Variants in OVCH1 observed in about 807,000 individuals in gnomAD.
The protein encoded by OVCH1 is ovochymase-1.
Under a neutral mutation model 138.4 loss-of-function variants are expected in OVCH1, and 139 were observed. The ratio of observed to expected loss-of-function variants is 1.00; its 90% CI spans 0.87 to 1.16. The LOEUF (loss-of-function observed/expected upper bound fraction) is 1.16. OVCH1 is among the 50% of genes most tolerant of loss of function. The probability of loss-of-function intolerance (pLI) is 0.00; values close to 1 mark genes in which losing one functional copy is unlikely to be tolerated. For synonymous variants in OVCH1, 453 were observed against 467.8 expected, an observed-to-expected ratio of 0.97 and a Z score of 0.41; for missense variants, 1,367 against 1,357.9, an observed-to-expected ratio of 1.01 and a Z score of -0.11.
intron 3 of OVCH1, among the ~76,000 whole-genome samples, chr12:29,418,894 TATC>T (rs1184804150): frequency 6.6e-6 from 1 of 152,202 alleles, no homozygotes; most frequent in Admixed American, 6.5e-5. Context: ...GGTATTGCAC[TATC>T]ACCAATCTGG....
At chr12:29,495,795 AC>A (rs1266377189) in intron 3 of OVCH1, among the ~76,000 whole-genome samples, 1 of 151,992 alleles carries the variant, frequency 6.6e-6, no homozygotes, top group Non-Finnish European at 1.5e-5. Context: ...TCTTATTAGT[AC>A]CCTCTTTTAA....
chr12:29,408,004 C>T (rs1940905651), downstream of OVCH1, among the ~76,000 whole-genome samples: 1 of 140,944 alleles, frequency 7.1e-6, no homozygotes, highest in Non-Finnish European at 1.6e-5. Context: ...TTGTAGTTCT[C>T]CTTGAAGAGG....
At chr12:29,477,780 A>G (rs1942792922) in intron 9 of OVCH1, among the ~76,000 whole-genome samples, 1 of 152,206 alleles carries the variant, frequency 6.6e-6, no homozygotes, top group Admixed American at 6.5e-5. Flanking sequence ...TTTTTGAATC[A>G]GCGCAGCACT....
intron 6 of OVCH1, among the ~76,000 whole-genome samples, chr12:29,489,017 T>A (rs1174125356): frequency 6.6e-6 from 1 of 152,130 alleles, no homozygotes; most frequent in Non-Finnish European, 1.5e-5. Context: ...CCAAGAATAA[T>A]GACTCCTTAC....
At position 29,476,992 on chromosome 12, in the gene OVCH1, A is replaced by T. The variant is rs984196637; in HGVS notation, c.1377+110T>A. 9.3e-6 allele frequency: 12 copies of T among 1,291,052 alleles called. No homozygotes were observed. In the Admixed American group the frequency reaches 4.0e-4, roughly 43 times the overall value. The allele number at this position is 1,291,052 out of a possible 1,614,324, so 80.0% of individuals were successfully genotyped here. ...GAGTAAAAAAAAATGGCAAATGGCT[A>T]AAAGAAGCTCCTAGTCATAATGGCA... On this transcript the variant is annotated intron_variant, in intron 12 of 27. Transcript: ENST00000318184.
downstream of OVCH1, among the ~76,000 whole-genome samples, chr12:29,409,149 G>T (rs527732887): frequency 9.9e-5 from 15 of 151,954 alleles, no homozygotes; most frequent in Non-Finnish European, 2.1e-4. Context: ...GGGATCCGTG[G>T]TGATATCCCC....
intron 16 of OVCH1, among the ~76,000 whole-genome samples, chr12:29,466,056 C>A (rs757674209): frequency 6.1e-5 from 8 of 131,100 alleles, no homozygotes; most frequent in African/African-American, 8.9e-5. Context: ...ATGAGAACAC[C>A]TAGACACAGG....
At chr12:29,462,073 A>AT (rs1339641211) in intron 18 of OVCH1, 65 bp from the exon 19 acceptor site, 1 of 1,532,330 alleles carries the variant, frequency 6.5e-7, no homozygotes, top group East Asian at 2.3e-5. Flanking sequence ...TTAGAAATGT[A>AT]TTTAAGTTCA....
Position 29,477,238 on chromosome 12 carries a change from G to A in OVCH1, c.1247-6C>T. ...CAGACTCCCACAACCTGACCCTGTG[G>A]AAGCATTGGGGAAATTCAAAGTGAA... is the stretch of plus-strand genomic sequence containing the variant. On this transcript the variant is annotated splice_region_variant and splice_polypyrimidine_tract_variant and intron_variant, in intron 11 of 27. Coordinates refer to ENST00000318184, the Ensembl canonical transcript of OVCH1. 6.2e-7 allele frequency: 1 copy of A among 1,613,464 alleles called. No homozygotes were observed. Among genetic ancestry groups the A allele is most frequent in the Non-Finnish European group, 8.5e-7 (1 of 1,179,646 alleles).
At position 29,485,672 on chromosome 12, in the gene OVCH1, A is replaced by G. The variant is rs543717012; in HGVS notation, c.995+574T>C. ...GCCTGCCTGTACCCAGCTACTCGGG[A>G]GGCTGAGGCAGGAGAATGGCGTTAA... On this transcript the variant is annotated intron_variant, in intron 8 of 27. Coordinates refer to ENST00000318184, the Ensembl canonical transcript of OVCH1. Among the ~76,000 whole-genome samples the G allele has an allele frequency of 3.4e-4, 51 of 152,072 alleles. No individual in the cohort carries two copies. The South Asian group carries it at 7.9e-3, about 24-fold the overall frequency.
At chr12:29,470,656 G>C (rs1592083099) in intron 16 of OVCH1, among the ~76,000 whole-genome samples, 1 of 152,048 alleles carries the variant, frequency 6.6e-6, no homozygotes, top group African/African-American at 2.4e-5. Context: ...CTTTGCTATT[G>C]TGAATAGTGC....
intron 27 of OVCH1, among the ~76,000 whole-genome samples, chr12:29,433,026 TATAA>T (rs1314997887): frequency 1.3e-5 from 2 of 152,100 alleles, no homozygotes; most frequent in African/African-American, 4.8e-5. Flanking sequence ...AGACAGTGAG[TATAA>T]ATAACTTCCA....
At chr12:29,459,144 A>G (rs1273805620) in intron 19 of OVCH1, among the ~76,000 whole-genome samples, 3 of 152,216 alleles carry the variant, frequency 2.0e-5, no homozygotes, top group Non-Finnish European at 2.9e-5. Flanking sequence ...ATACATCCAA[A>G]AGAAAGGAAA....
At chr12:29,448,086 T>G (rs1941668090) in intron 22 of OVCH1, among the ~76,000 whole-genome samples, 1 of 149,964 alleles carries the variant, frequency 6.7e-6, no homozygotes, top group African/African-American at 2.5e-5. Context: ...CCACAAACAG[T>G]GGGAGGGATG....
chr12:29,402,499 GAGAA>G, the OVCH1 span, among the ~76,000 whole-genome samples: 1 of 151,944 alleles, frequency 6.6e-6, no homozygotes, highest in East Asian at 1.9e-4. Context: ...AGAGGGAAAA[GAGAA>G]AGACAGAAAA....
intron 19 of OVCH1, among the ~76,000 whole-genome samples, chr12:29,460,598 AG>A (rs760915650): frequency 2.0e-5 from 3 of 152,132 alleles, no homozygotes; most frequent in Non-Finnish European, 4.4e-5. Flanking sequence ...CTATGGCTCA[AG>A]GGAAAGTAGT....
intron 9 of OVCH1, among the ~76,000 whole-genome samples, chr12:29,478,295 C>A (rs1942811773): frequency 6.6e-6 from 1 of 152,092 alleles, no homozygotes; most frequent in South Asian, 2.1e-4. Context: ...AATAGATACA[C>A]CTGTAAGTGC....
intron 18 of OVCH1, among the ~76,000 whole-genome samples, chr12:29,463,255 G>A (rs1034359294): frequency 1.3e-5 from 2 of 152,152 alleles, no homozygotes; most frequent in East Asian, 1.9e-4. Context: ...CAGGTAGTGC[G>A]GAATGTGATG....
In OVCH1 at chr12:29,439,440, A is replaced by G. The variant is rs1041473305; in HGVS notation, c.3158-6T>C. 3 of 1,470,704 alleles carry G rather than the reference A, an allele frequency of 2.0e-6. No homozygotes were observed. The African/African-American group carries it at 4.4e-5, about 21-fold the overall frequency. The allele number at this position is 1,470,704 out of a possible 1,614,324, so 91.1% of individuals were successfully genotyped here. A position where few individuals can be genotyped will look rare whatever the true frequency, so the allele number is the denominator to read the frequency against. ...CAGAGTTCCAGCGAATGAAGCTAAG[A>G]TGGTCTGAGAAAAACAAACAAACAA... On this transcript the variant is annotated splice_polypyrimidine_tract_variant and splice_region_variant and intron_variant, in intron 25 of 27. Coordinates refer to ENST00000318184, the Ensembl canonical transcript of OVCH1.
Sources: allele counts gnomAD v4.1 joint callset (sites outside exome capture counted in the v4.1 genomes callset), GRCh38; gene constraint gnomAD v4.1.1; transcripts MANE v1.5; gene names NCBI Gene and HGNC (gene_info 2026-07-23, HGNC 2026-07-21).